HIGD1B: variants seen among roughly 807,000 people sequenced by gnomAD.
HIGD1B encodes the protein HIG1 hypoxia inducible domain family member 1B.
A neutral mutation model predicts 8.8 loss-of-function variants in HIGD1B; 9 were observed. That is an observed-to-expected ratio of 1.02 (90% CI 0.62 to 1.78). The LOEUF is 1.78. HIGD1B is among the 40% of genes most tolerant of loss of function. HIGD1B has a pLI of 0.00. For synonymous variants in HIGD1B, 47 were observed against 38.8 expected (o/e 1.21, Z -0.78); for missense variants, 126 against 111.8 (o/e 1.13, Z -0.57).
chr17:44,849,150 C>A, intron 1 of HIGD1B, 104 bp from the exon 2 acceptor site: 81 of 1,216,020 alleles, frequency 6.7e-5, no homozygotes, highest in Middle Eastern at 2.6e-4. Context: ...CTGCATAAAA[C>A]CAGCTGTTTA....
rs775426767 is a variant in HIGD1B, at chr17:44,849,376, G to A, written c.223G>A (p.Ala75Thr). Reference protein sequence around the residue: ...RVAAQACAVGAIMLGAVYTMY... With the variant: ...RVAAQACAVGTIMLGAVYTMY... ...GGCAGCGCAGGCCTGTGCAGTGGGT[G>A]CAATCATGCTAGGTGAGTAGCTTTG... The change falls in exon 2 of 3, where the codon GCA becomes ACA. Residue 75 changes from alanine (A) to threonine (T), a missense_variant. Ala to Thr is a moderately conservative substitution (Grantham distance 58). Transcript: ENST00000253410. 34 of 1,614,004 alleles carry A rather than the reference G, an allele frequency of 2.1e-5. No individual in the cohort carries two copies. The highest frequency in any genetic ancestry group is 6.8e-6 in the Non-Finnish European group (8 of 1,180,012).
chr17:44,849,504 G>A, intron 2 of HIGD1B, 116 bp downstream of exon 2: 8 of 1,230,206 alleles, frequency 6.5e-6, no homozygotes, highest in Non-Finnish European at 7.9e-6. Context: ...GTTCACGCCT[G>A]TAATCTCAAC....
upstream of HIGD1B, among the ~76,000 whole-genome samples, chr17:44,847,069 G>A (rs533343118): frequency 7.9e-5 from 12 of 152,194 alleles, no homozygotes; most frequent in African/African-American, 1.7e-4. Flanking sequence ...CCTGGGAGGC[G>A]GAGGTTGCAG....
intron 1 of HIGD1B, 67 bp from the exon 2 acceptor site, chr17:44,849,187 G>GT (rs1449447986): frequency 1.3e-6 from 2 of 1,572,678 alleles, no homozygotes; most frequent in African/African-American, 1.3e-5. Flanking sequence ...GCCTGGTAAG[G>GT]TATCTCTCAT....
At chr17:44,849,157 T>G in intron 1 of HIGD1B, 97 bp from the exon 2 acceptor site, 21 of 1,393,262 alleles carry the variant, frequency 1.5e-5, no homozygotes, top group Middle Eastern at 2.2e-4. Context: ...AAACCAGCTG[T>G]TTATCCAGAT....
chr17:44,848,090 G>T lies in HIGD1B; in HGVS notation c.-63G>T. On this transcript the variant is annotated 5_prime_UTR_variant, in exon 1 of 3. Transcript: ENST00000253410. ...GGAATCAGAGTTCTGATTGTGGAGT[G>T]CCTCTCTCTAGGACGGGGCTGCAGC... 2.5e-6 allele frequency: 2 copies of T among 798,306 alleles called. No homozygotes were observed. The highest frequency in any genetic ancestry group is 2.2e-6 in the Non-Finnish European group (1 of 451,048). 49.5% of individuals were successfully genotyped at this position (798,306 alleles called of 1,614,324 possible).
chr17:44,848,435 G>A (rs987613711), intron 1 of HIGD1B, among the ~76,000 whole-genome samples, 183 bp downstream of exon 1: 1 of 152,254 alleles, frequency 6.6e-6, no homozygotes, highest in Admixed American at 6.5e-5. Flanking sequence ...GTCTGGATGG[G>A]TGGAGGTGGC....
At chr17:44,846,024 A>C (rs893629789), upstream of HIGD1B, among the ~76,000 whole-genome samples, 3 of 152,092 alleles carry the variant, frequency 2.0e-5, no homozygotes, top group African/African-American at 7.2e-5. Flanking sequence ...TGTTCATAAG[A>C]GTATCCGAGG....
At position 44,849,325 on chromosome 17, in the gene HIGD1B, T is replaced by A. The variant is rs1207103106; in HGVS notation, c.172T>A (p.Ser58Thr). 6.2e-7 allele frequency: 1 copy of A among 1,613,972 alleles called. No individual in the cohort carries two copies. The highest frequency in any genetic ancestry group is 1.3e-5 in the African/African-American group (1 of 74,902). The part of the protein sequence containing the change: ...RLRSRGSTKM[S>T]IHLIHTRVAA... ...GAGGTCTCGTGGTTCCACCAAGATG[T>A]CCATACACCTGATTCACACCCGAGT... The change falls in exon 2 of 3, where the codon TCC (serine) becomes ACC (threonine). Residue 58 changes from serine to threonine, a missense_variant. Physicochemically the swap from Ser to Thr is moderately conservative, Grantham distance 58. Transcript: ENST00000253410.
At chr17:44,847,251 G>A (rs2050332393), upstream of HIGD1B, among the ~76,000 whole-genome samples, 1 of 151,774 alleles carries the variant, frequency 6.6e-6, no homozygotes, top group Non-Finnish European at 1.5e-5. Context: ...GGCTAACAAG[G>A]TGAAACCCCG....
intron 2 of HIGD1B, 91 bp from the exon 3 acceptor site, chr17:44,850,241 C>G: frequency 1.1e-6 from 1 of 924,392 alleles, no homozygotes; most frequent in South Asian, 1.5e-5. Flanking sequence ...CTCAAGGGAG[C>G]AGCTAGAGGT....
Position 44,848,257 on chromosome 17 carries a change from G to A in HIGD1B, c.100+5G>A, listed in dbSNP as rs769796850. The A allele has an allele frequency of 9.2e-6, 8 of 872,306 alleles. No individual in the cohort carries two copies. In the East Asian group the frequency reaches 1.7e-4, roughly 18 times the overall value. The allele number at this position is 872,306 out of a possible 1,614,324, so 54.0% of individuals were successfully genotyped here. On this transcript the variant is annotated splice_donor_5th_base_variant and intron_variant, in intron 1 of 2. Coordinates refer to ENST00000253410, the MANE Select transcript of HIGD1B (RefSeq NM_016438.4). ...AATCTCCACTGGTGCCTATAGGTAAGTGAAGAAAGGAATGGGGTGCCGAGT... is the reference window on the plus strand; with the variant it reads ...AATCTCCACTGGTGCCTATAGGTAAATGAAGAAAGGAATGGGGTGCCGAGT...
At chr17:44,846,494 C>T (rs1204554023), upstream of HIGD1B, 1 of 152,264 alleles carries the variant, frequency 6.6e-6, no homozygotes, top group African/African-American at 2.4e-5. Flanking sequence ...GGAGGGCTAA[C>T]TAGGATAGAA....
At chr17:44,850,027 G>A (rs992075378) in intron 2 of HIGD1B, 4 of 286,172 alleles carry the variant, frequency 1.4e-5, no homozygotes, top group Admixed American at 4.5e-5. Context: ...CTTTCTCACT[G>A]AGCCTCAGTT....
intron 2 of HIGD1B, 186 bp from the exon 3 acceptor site, chr17:44,850,146 A>G (rs559652672): frequency 1.8e-5 from 10 of 560,050 alleles, no homozygotes; most frequent in Admixed American, 6.0e-5. Flanking sequence ...GAACTGTCAG[A>G]TAAGTGGTTT....
chr17:44,849,496 T>A, intron 2 of HIGD1B, 108 bp downstream of exon 2: 1 of 1,316,744 alleles, frequency 7.6e-7, no homozygotes, highest in Non-Finnish European at 1.0e-6. Flanking sequence ...GCGCGGTGGT[T>A]CACGCCTGTA....
Position 44,850,360 on chromosome 17 carries a change from C to T in HIGD1B, c.264C>T (p.Tyr88=), listed in dbSNP as rs2145423763. ...CTGTGTACACAATGTACAGCGATTACGTCAAGAGGATGGCACAGGATGCTG... is the reference window on the plus strand; with the variant it reads ...CTGTGTACACAATGTACAGCGATTATGTCAAGAGGATGGCACAGGATGCTG... ...LGAVYTMYSD[Y]VKRMAQDAGE... is the part of the protein sequence containing the mutation. The change falls in exon 3 of 3, where the codon TAC becomes TAT. Residue 88 remains tyrosine (Y), a synonymous_variant. Coordinates refer to ENST00000253410, the MANE Select transcript of HIGD1B (RefSeq NM_016438.4). 6 of 1,613,366 alleles carry T rather than the reference C, an allele frequency of 3.7e-6. No homozygotes were observed. The highest frequency in any genetic ancestry group is 2.2e-5 in the South Asian group (2 of 90,830).
upstream of HIGD1B, among the ~76,000 whole-genome samples, chr17:44,845,966 TAG>T (rs2050319069): frequency 6.6e-6 from 1 of 151,790 alleles, no homozygotes. Flanking sequence ...AAAGACAGCC[TAG>T]AGAGTCTGTC....
At position 44,848,061 on chromosome 17, in the gene HIGD1B, C is replaced by T. The variant is rs1458352358; in HGVS notation, c.-92C>T. On this transcript the variant is annotated 5_prime_UTR_variant, in exon 1 of 3. Transcript: ENST00000253410. ...AGGTAACCTTCCTTTCCTCTCCAGA[C>T]TGAGGAATCAGAGTTCTGATTGTGG... is the stretch of plus-strand genomic sequence containing the variant. 3 of 731,922 alleles carry T rather than the reference C, an allele frequency of 4.1e-6. No individual in the cohort carries two copies. Among genetic ancestry groups the T allele is most frequent in the Non-Finnish European group, 7.4e-6 (3 of 406,236 alleles). 45.3% of individuals were successfully genotyped at this position (731,922 alleles called of 1,614,324 possible).
Sources: gnomAD v4.1 joint callset for allele counts (sites outside exome capture counted in the v4.1 genomes callset) on GRCh38, gnomAD v4.1.1 for gene constraint, MANE v1.5 for transcripts, NCBI Gene and HGNC (gene_info 2026-07-23, HGNC 2026-07-21) for gene names.